The following ZFHX3 variants were observed in gnomAD, a reference collection of about 807,000 sequenced individuals.
ZFHX3 encodes the protein zinc finger homeobox 3.
In ZFHX3, 42 loss-of-function variants were observed where a neutral mutation model predicts 279.1. That is an observed-to-expected ratio of 0.15 (90% CI 0.12 to 0.19). The LOEUF (loss-of-function observed/expected upper bound fraction) is 0.19. Ranked by LOEUF, ZFHX3 falls within the 10% of genes least tolerant of loss-of-function variation. ZFHX3 has a pLI of 1.00. For synonymous variants in ZFHX3, 2,293 were observed against 1,957.8 expected (o/e 1.17, Z -4.52); for missense variants, 4,981 against 4,754.0 (o/e 1.05, Z -1.40).
At chr16:73,106,631 G>A (rs569651248) in intron 7 of ZFHX3, among the ~76,000 whole-genome samples, 2 of 152,194 alleles carry the variant, frequency 1.3e-5, no homozygotes, top group African/African-American at 2.4e-5. Flanking sequence ...AACTAGAGAG[G>A]CTGTTGTAAT....
intron 4 of ZFHX3, among the ~76,000 whole-genome samples, chr16:73,305,416 G>A (rs2015158821): frequency 6.6e-6 from 1 of 152,110 alleles, no homozygotes. Context: ...CATGCAAAGA[G>A]GACGGTGGAT....
chr16:73,478,778 C>T lies in ZFHX3; in HGVS notation c.-1546-22520G>A, dbSNP rs145363891. Among the ~76,000 whole-genome samples, 6 of 152,268 alleles carry T rather than the reference C, an allele frequency of 3.9e-5. No homozygotes were observed. In the South Asian group the frequency reaches 1.0e-3, roughly 26 times the overall value. Reference sequence around the variant, plus strand: ...AGATAAAACCCAGACTCAAGCTGGGCGCGGTGGCTCCAGCCTGTAATCCCA... The same window carrying T: ...AGATAAAACCCAGACTCAAGCTGGGTGCGGTGGCTCCAGCCTGTAATCCCA... On this transcript the variant is annotated intron_variant, in intron 2 of 17. Coordinates refer to the ZFHX3 transcript ENST00000641206.
intron 1 of ZFHX3, among the ~76,000 whole-genome samples, chr16:73,711,144 A>G (rs1323814907): frequency 6.6e-6 from 1 of 152,142 alleles, no homozygotes; most frequent in Non-Finnish European, 1.5e-5. Context: ...TGAAGGGTTT[A>G]ACTGTATCCA....
At chr16:72,900,313 A>C (rs1294538407) in intron 3 of ZFHX3, among the ~76,000 whole-genome samples, 1 of 152,184 alleles carries the variant, frequency 6.6e-6, no homozygotes, top group Non-Finnish European at 1.5e-5. Context: ...CCGATTCTCC[A>C]AATCCACTCA....
chr16:73,134,445 C>T (rs971362637), intron 6 of ZFHX3: 3 of 149,552 alleles, frequency 2.0e-5, no homozygotes, highest in East Asian at 2.0e-4. Flanking sequence ...ATCCTTCTGC[C>T]TCAGCCTCCC....
At chr16:73,365,304 C>A (rs1347983305) in intron 3 of ZFHX3, among the ~76,000 whole-genome samples, 1 of 152,210 alleles carries the variant, frequency 6.6e-6, no homozygotes, top group Admixed American at 6.5e-5. Context: ...GGAGGGGATG[C>A]AGACGAGAGC....
chr16:73,214,127 C>A (rs968610460), intron 5 of ZFHX3, among the ~76,000 whole-genome samples: 2 of 152,174 alleles, frequency 1.3e-5, no homozygotes, highest in African/African-American at 2.4e-5. Context: ...TGTCAGTGTG[C>A]CCCTTTGTCC....
At chr16:73,742,500 T>G (rs530131942) in intron 1 of ZFHX3, among the ~76,000 whole-genome samples, 1 of 152,194 alleles carries the variant, frequency 6.6e-6, no homozygotes, top group Non-Finnish European at 1.5e-5. Flanking sequence ...TTAATATTAG[T>G]CCAGGGCAAA....
At chr16:73,523,024 C>T (rs1330552375) in intron 2 of ZFHX3, among the ~76,000 whole-genome samples, 1 of 152,150 alleles carries the variant, frequency 6.6e-6, no homozygotes, top group Admixed American at 6.5e-5. Flanking sequence ...GTCCCTCCCA[C>T]AACACGGTGG....
intron 3 of ZFHX3, among the ~76,000 whole-genome samples, chr16:73,342,289 T>C (rs1022476710): frequency 6.6e-6 from 1 of 152,210 alleles, no homozygotes; most frequent in African/African-American, 2.4e-5. Context: ...GTACACCTAG[T>C]GACCCAGGAA....
At position 73,120,474 on chromosome 16, in the gene ZFHX3, C is replaced by T. The variant is rs145415555; in HGVS notation, c.-897+10494G>A. On this transcript the variant is annotated intron_variant, in intron 7 of 17. Coordinates refer to the ZFHX3 transcript ENST00000641206. ...TTTTTTGTAGAGACAGGGTCTCACT[C>T]CATTGCCCAGGCTACTCTCAAACTC... Among the ~76,000 whole-genome samples, 276 of 152,030 alleles carry T rather than the reference C, an allele frequency of 1.8e-3. 1 individual carries two copies. The highest frequency in any genetic ancestry group is 6.3e-3 in the African/African-American group (262 of 41,476).
chr16:73,097,652 C>G (rs952498639), intron 7 of ZFHX3, among the ~76,000 whole-genome samples: 2 of 152,140 alleles, frequency 1.3e-5, no homozygotes, highest in Non-Finnish European at 2.9e-5. Flanking sequence ...ACTATGGCCA[C>G]GATCTCTTTC....
chr16:73,429,362 T>C (rs1423078662), intron 3 of ZFHX3, among the ~76,000 whole-genome samples: 1 of 152,192 alleles, frequency 6.6e-6, no homozygotes, highest in Non-Finnish European at 1.5e-5. Flanking sequence ...AGATGGAGTC[T>C]CACTTTGTTG....
chr16:73,411,799 C>T lies in ZFHX3; in HGVS notation c.-1291+44204G>A, dbSNP rs139507482. ...ACATGTACCCTGCAGGTTACTGCCA[C>T]GCCCAGCATCCTTACTCCTGTTGTG... On this transcript the variant is annotated intron_variant, in intron 3 of 17. Coordinates refer to the ZFHX3 transcript ENST00000641206. Among the ~76,000 whole-genome samples the T allele has an allele frequency of 7.6e-3, 1,151 of 152,272 alleles. 14 individuals carry two copies. Among genetic ancestry groups the T allele is most frequent in the African/African-American group, 0.026 (1,079 of 41,546 alleles).
rs567464892 is a variant in ZFHX3 at position 73,863,154 on chromosome 16, G to A, written c.-1608+28497C>T. On this transcript the variant is annotated intron_variant, in intron 1 of 17. Coordinates refer to the ZFHX3 transcript ENST00000641206. Reference sequence around the variant, plus strand: ...CCGGGAGGCGGAGGTTGCAGTGAGCGGAGATCGTGCCAATGCACTCCAGCC... The same window carrying A: ...CCGGGAGGCGGAGGTTGCAGTGAGCAGAGATCGTGCCAATGCACTCCAGCC... 8.5e-5 allele frequency among the ~76,000 whole-genome samples: 13 copies of A among 152,132 alleles called. No individual in the cohort carries two copies. In the South Asian group the frequency reaches 1.9e-3, roughly 22 times the overall value.
chr16:73,649,484 A>C (rs1385802231), intron 2 of ZFHX3, among the ~76,000 whole-genome samples: 1 of 152,178 alleles, frequency 6.6e-6, no homozygotes, highest in East Asian at 1.9e-4. Flanking sequence ...AAGGATTTTC[A>C]AGTGATTGTC....
intron 1 of ZFHX3, among the ~76,000 whole-genome samples, chr16:73,806,884 C>T (rs558471201): frequency 2.6e-5 from 4 of 152,236 alleles, no homozygotes; most frequent in South Asian, 4.1e-4. Flanking sequence ...GTGAACTAGA[C>T]GGAATCCATC....
chr16:73,057,968 G>T (rs1295616053), intron 1 of ZFHX3, among the ~76,000 whole-genome samples: 3 of 147,974 alleles, frequency 2.0e-5, no homozygotes, highest in East Asian at 3.9e-4. Flanking sequence ...GCCTCTCGGG[G>T]TGGGGCAAAG....
intron 1 of ZFHX3, among the ~76,000 whole-genome samples, chr16:73,862,125 T>C (rs1961897071): frequency 6.6e-6 from 1 of 152,182 alleles, no homozygotes; most frequent in Non-Finnish European, 1.5e-5. Context: ...CCCAGATCAC[T>C]AGGTACCACA....
Sources: gnomAD v4.1 joint callset for allele counts (sites outside exome capture counted in the v4.1 genomes callset) on GRCh38, gnomAD v4.1.1 for gene constraint, MANE v1.5 for transcripts, NCBI Gene and HGNC (gene_info 2026-07-23, HGNC 2026-07-21) for gene names.